The following OR2T12 variants were observed in gnomAD, a reference collection of about 807,000 sequenced individuals.
The protein encoded by OR2T12 is olfactory receptor family 2 subfamily T member 12, also known as olfactory receptor 2T12.
For synonymous variants in OR2T12, 127 were observed against 160.5 expected, an observed-to-expected ratio of 0.79 and a Z score of 1.58; for missense variants, 335 against 404.3, an observed-to-expected ratio of 0.83 and a Z score of 1.47.
At chr1:248,301,227 G>A (rs1415374294) in intron 2 of OR2T12, 146 bp downstream of exon 2, 1 of 151,982 alleles carries the variant, frequency 6.6e-6, no homozygotes, top group Non-Finnish European at 1.5e-5. Context: ...AAAATACTGA[G>A]CACTAGATTG....
chr1:248,301,850 C>T (rs1422029802), intron 1 of OR2T12, among the ~76,000 whole-genome samples: 2 of 152,018 alleles, frequency 1.3e-5, no homozygotes, highest in Non-Finnish European at 2.9e-5. Context: ...CACTGTGATA[C>T]TGTGCACATG....
rs1228263890 is a variant in OR2T12, at chr1:248,293,584, AT to A, written c.*1031del. 1 of 152,042 alleles carries A rather than the reference AT, an allele frequency of 6.6e-6. No homozygotes were observed. The highest frequency in any genetic ancestry group is 6.6e-5 in the Admixed American group (1 of 15,244). The allele number at this position is 152,042 out of a possible 1,614,324, so 9.4% of individuals were successfully genotyped here. On this transcript the variant is annotated 3_prime_UTR_variant, in exon 3 of 3. Transcript: ENST00000641276. ...TCCAAATCTTTAAAATGTGTCCCAA[AT>A]TTTTCATCAGAAATATCTCTACTTA...
intron 2 of OR2T12, among the ~76,000 whole-genome samples, chr1:248,299,309 C>T (rs1659779871): frequency 6.6e-6 from 1 of 152,054 alleles, no homozygotes; most frequent in African/African-American, 2.4e-5. Context: ...TGCAGAGACA[C>T]ACATAGGCTC....
Position 248,295,035 on chromosome 1 carries a change from A to G in OR2T12, c.544T>C (p.Leu182=), listed in dbSNP as rs34138959. ...IDHFFCEAPV[L]VRLACADTSV... is the part of the protein sequence containing the mutation. ...GTGTCAGCACAAGCCAAACGCACCAACACGGGGGCCTCGCAGAAGAAGTGA... is the reference window on the plus strand; with the variant it reads ...GTGTCAGCACAAGCCAAACGCACCAGCACGGGGGCCTCGCAGAAGAAGTGA... The change falls in exon 3 of 3, where the codon TTG becomes CTG. Residue 182 remains leucine (L), a synonymous_variant. Coordinates refer to ENST00000641276, the MANE Select transcript of OR2T12 (RefSeq NM_001004692.2). 236 of 1,606,646 alleles carry G rather than the reference A, an allele frequency of 1.5e-4. 1 individual carries two copies. Among genetic ancestry groups the G allele is most frequent in the South Asian group, 7.0e-4 (64 of 90,784 alleles).
rs10736379 is a variant in OR2T12 at position 248,292,574 on chromosome 1, A to C, written c.*2042T>G. 2.0e-4 allele frequency: 30 copies of C among 152,052 alleles called. No homozygotes were observed. The highest frequency in any genetic ancestry group is 7.2e-4 in the African/African-American group (30 of 41,474). The allele number at this position is 152,052 out of a possible 1,614,324, so 9.4% of individuals were successfully genotyped here. On this transcript the variant is annotated 3_prime_UTR_variant, in exon 3 of 3. Transcript: ENST00000641276. ...AGTAGAAACATCTGCAAGTTACAAA[A>C]GCAATAAGAAATGAACATATAATTT...
intron 2 of OR2T12, 124 bp from the exon 3 acceptor site, chr1:248,295,710 C>T: frequency 7.7e-7 from 1 of 1,297,184 alleles, no homozygotes; most frequent in Admixed American, 2.3e-5. Context: ...TGATTCAAAG[C>T]CCTGACTCCC....
At chr1:248,300,168 T>C (rs904561793) in intron 2 of OR2T12, among the ~76,000 whole-genome samples, 2 of 152,140 alleles carry the variant, frequency 1.3e-5, no homozygotes, top group African/African-American at 4.8e-5. Context: ...AAAAAGAATA[T>C]GTCTCCAAAG....
chr1:248,301,027 C>T (rs116755976), intron 2 of OR2T12, among the ~76,000 whole-genome samples: 9,531 of 152,058 alleles, frequency 0.063, 650 homozygotes, highest in African/African-American at 0.17. Flanking sequence ...GAATTGTCTC[C>T]ATCACATTAG....
chr1:248,297,939 G>C (rs1342714735), intron 2 of OR2T12, among the ~76,000 whole-genome samples: 3 of 150,544 alleles, frequency 2.0e-5, no homozygotes, highest in African/African-American at 7.4e-5. Flanking sequence ...AGTTTTCAAA[G>C]GGAATGCTTC....
chr1:248,294,651 T>A lies in OR2T12; in HGVS notation c.928A>T (p.Lys310Ter), dbSNP rs780782629. Residue 310 changes from lysine to a stop codon, truncating the protein, a stop_gained, in exon 3 of 3, where the codon AAA becomes TAA. Coordinates refer to ENST00000641276, the MANE Select transcript of OR2T12 (RefSeq NM_001004692.2). LOFTEE classifies it low-confidence loss of function (END_TRUNC). The part of the protein sequence containing the change: ...KRWLGTCVNL[K>*]HQQNEAHRSR ...CTGTGGGCCTCATTTTGCTGGTGTT[T>A]TAGGTTTACACACGTCCCCAGCCAC... The A allele has an allele frequency of 1.2e-6, 2 of 1,614,114 alleles. No individual in the cohort carries two copies. Among genetic ancestry groups the A allele is most frequent in the East Asian group, 4.5e-5 (2 of 44,880 alleles).
At chr1:248,299,395 G>A (rs1659781109) in intron 2 of OR2T12, among the ~76,000 whole-genome samples, 1 of 151,966 alleles carries the variant, frequency 6.6e-6, no homozygotes, top group Admixed American at 6.6e-5. Flanking sequence ...CCTAGTCTCT[G>A]ATAAAACAGA....
intron 2 of OR2T12, 150 bp downstream of exon 2, chr1:248,301,223 C>G (rs886550338): frequency 6.6e-6 from 1 of 152,050 alleles, no homozygotes; most frequent in African/African-American, 2.4e-5. Context: ...ATTGAAAATA[C>G]TGAGCACTAG....
chr1:248,295,510 T>C lies in OR2T12; in HGVS notation c.69A>G (p.Gln23=), dbSNP rs1425676026. 6.2e-7 allele frequency: 1 copy of C among 1,613,176 alleles called. No homozygotes were observed. The highest frequency in any genetic ancestry group is 8.5e-7 in the Non-Finnish European group (1 of 1,179,720). The part of the protein sequence containing the change: ...LGLFNHTRAH[Q]VLFMMLLATV... The stretch of plus-strand genomic sequence containing the variant: ...TGGCCAGAAGCATCATGAAGAGGAC[T>C]TGGTGGGCTCTGGTGTGGTTAAAGA... Residue 23 remains glutamine, a synonymous_variant, in exon 3 of 3, where the codon CAA becomes CAG. Coordinates refer to ENST00000641276, the MANE Select transcript of OR2T12 (RefSeq NM_001004692.2).
chr1:248,298,055 C>G (rs920336000), intron 2 of OR2T12, among the ~76,000 whole-genome samples: 1 of 151,932 alleles, frequency 6.6e-6, no homozygotes, highest in African/African-American at 2.4e-5. Flanking sequence ...GAGTTTTTAG[C>G]GTGAAGCGTT....
intron 2 of OR2T12, 128 bp from the exon 3 acceptor site, chr1:248,295,714 G>A: frequency 1.6e-6 from 2 of 1,267,408 alleles, no homozygotes; most frequent in Non-Finnish European, 2.2e-6. Context: ...TCAAAGCCCT[G>A]ACTCCCAGTA....
rs538937341 is a variant in OR2T12, at chr1:248,293,940, T to C, written c.*676A>G. On this transcript the variant is annotated 3_prime_UTR_variant, in exon 3 of 3. Coordinates refer to ENST00000641276, the MANE Select transcript of OR2T12 (RefSeq NM_001004692.2). ...AGAGACTGGAAAAAATAAAAAAAGA[T>C]TGTGACAATATAGCAGTTACATTTG... The C allele has an allele frequency of 1.3e-5, 2 of 152,242 alleles. No homozygotes were observed. Among genetic ancestry groups the C allele is most frequent in the Non-Finnish European group, 2.9e-5 (2 of 67,992 alleles). 9.4% of individuals were successfully genotyped at this position (152,242 alleles called of 1,614,324 possible).
At chr1:248,296,435 C>T (rs1659729508) in intron 2 of OR2T12, among the ~76,000 whole-genome samples, 1 of 152,236 alleles carries the variant, frequency 6.6e-6, no homozygotes, top group African/African-American at 2.4e-5. Flanking sequence ...GCCACACTAA[C>T]TTCCACAATG....
chr1:248,299,442 C>T (rs6697456), intron 2 of OR2T12, among the ~76,000 whole-genome samples: 110,685 of 151,136 alleles, frequency 0.73, 40,933 homozygotes, highest in South Asian at 0.88. Context: ...ACAAAGAAGG[C>T]CATCACATAA....
In OR2T12 at chr1:248,299,284, G is replaced by C. The variant is rs12070818; in HGVS notation, c.-9+2089C>G. Among the ~76,000 whole-genome samples the C allele has an allele frequency of 8.4e-3, 1,281 of 152,220 alleles. 67 individuals carry two copies. Among genetic ancestry groups the C allele is most frequent in the Admixed American group, 0.079 (1,200 of 15,280 alleles). ...AGACCCATCAGTGTGCTGTGTTCAG[G>C]AAACCCGTCTCACGTGCAGAGACAC... is the stretch of plus-strand genomic sequence containing the variant. On this transcript the variant is annotated intron_variant, in intron 2 of 2. Coordinates refer to ENST00000641276, the MANE Select transcript of OR2T12 (RefSeq NM_001004692.2).
Sources: allele counts gnomAD v4.1 joint callset (sites outside exome capture counted in the v4.1 genomes callset), GRCh38; gene constraint gnomAD v4.1.1; transcripts MANE v1.5; gene names NCBI Gene and HGNC (gene_info 2026-07-23, HGNC 2026-07-21).